Variants in CSGALNACT1 observed in about 807,000 individuals in gnomAD.
The protein encoded by CSGALNACT1 is beta4GalNAcT-1.
Under a neutral mutation model 51.0 loss-of-function variants are expected in CSGALNACT1, and 52 were observed. The ratio of observed to expected loss-of-function variants is 1.02; its 90% CI spans 0.82 to 1.29. CSGALNACT1 has a LOEUF of 1.29. CSGALNACT1 is among the 50% of genes most tolerant of loss of function. CSGALNACT1 has a pLI of 0.00. For missense variants in CSGALNACT1, 935 were observed against 679.2 expected, an observed-to-expected ratio of 1.38 and a Z score of -4.19; for synonymous variants, 341 against 254.4, an observed-to-expected ratio of 1.34 and a Z score of -3.24.
intron 1 of CSGALNACT1, among the ~76,000 whole-genome samples, chr8:19,632,737 C>A (rs1168986795): frequency 2.0e-5 from 3 of 152,096 alleles, no homozygotes; most frequent in Non-Finnish European, 1.5e-5. Context: ...TCAACCTAAG[C>A]AGAGTGAGTA....
chr8:19,554,816 G>A (rs2089285530), intron 3 of CSGALNACT1, among the ~76,000 whole-genome samples: 1 of 152,126 alleles, frequency 6.6e-6, no homozygotes, highest in South Asian at 2.1e-4. Context: ...TACTCAGGAG[G>A]CTGAGACAGG....
At chr8:19,466,573 G>A (rs1038285963) in intron 4 of CSGALNACT1, among the ~76,000 whole-genome samples, 6 of 152,076 alleles carry the variant, frequency 3.9e-5, no homozygotes, top group East Asian at 1.9e-4. Flanking sequence ...ATGGCATATC[G>A]CATTCCCAGA....
chr8:19,467,214 G>A (rs2066910547), intron 4 of CSGALNACT1, among the ~76,000 whole-genome samples: 1 of 141,098 alleles, frequency 7.1e-6, no homozygotes, highest in Non-Finnish European at 1.5e-5. Context: ...CTGACTCTCG[G>A]TTTCACAGTA....
chr8:19,696,054 T>C (rs1227845005), intron 1 of CSGALNACT1, among the ~76,000 whole-genome samples: 1 of 152,166 alleles, frequency 6.6e-6, no homozygotes, highest in Admixed American at 6.5e-5. Context: ...AGCAAAAACA[T>C]GTATGAAGAC....
exon 10 of CSGALNACT1, chr8:19,404,991 A>G (rs775528602): frequency 4.4e-6 from 2 of 453,922 alleles, no homozygotes; most frequent in Admixed American, 2.4e-5. Context: ...ATGTCCTTGG[A>G]TATGGCATCA....
chr8:19,617,829 AATAG>A (rs1412121169), intron 1 of CSGALNACT1, among the ~76,000 whole-genome samples: 1 of 152,260 alleles, frequency 6.6e-6, no homozygotes, highest in Non-Finnish European at 1.5e-5. Flanking sequence ...TTGAAGGAAG[AATAG>A]ATAGGCTTTT....
intron 8 of CSGALNACT1, among the ~76,000 whole-genome samples, chr8:19,410,176 A>G (rs913792466): frequency 6.6e-6 from 1 of 152,210 alleles, no homozygotes; most frequent in African/African-American, 2.4e-5. Context: ...GCTCAAGGAA[A>G]GTAGAACCAA....
chr8:19,651,831 C>T (rs1015728756), intron 1 of CSGALNACT1, among the ~76,000 whole-genome samples: 2 of 152,116 alleles, frequency 1.3e-5, no homozygotes, highest in African/African-American at 4.8e-5. Context: ...TCAGAAATCT[C>T]CAAACTGCTT....
At chr8:19,638,653 A>T (rs558969954) in intron 1 of CSGALNACT1, among the ~76,000 whole-genome samples, 87 of 152,336 alleles carry the variant, frequency 5.7e-4, no homozygotes, top group African/African-American at 1.9e-3. Flanking sequence ...AAATAGTTCT[A>T]TGAGATCTTT....
chr8:19,613,770 C>A (rs1348674361), intron 1 of CSGALNACT1, among the ~76,000 whole-genome samples: 2 of 152,184 alleles, frequency 1.3e-5, no homozygotes, highest in African/African-American at 4.8e-5. Context: ...TAGCAACTTG[C>A]AATGTCACCA....
chr8:19,414,538 A>G (rs2056498632), intron 8 of CSGALNACT1, among the ~76,000 whole-genome samples: 1 of 152,204 alleles, frequency 6.6e-6, no homozygotes, highest in South Asian at 2.1e-4. Context: ...TTCACTTAAT[A>G]TGAATTACTG....
In CSGALNACT1 at chr8:19,457,060, G is replaced by C. The variant is rs2064252856; in HGVS notation, c.851+1366C>G. Among the ~76,000 whole-genome samples, 7 of 152,322 alleles carry C rather than the reference G, an allele frequency of 4.6e-5. No individual in the cohort carries two copies. In the South Asian group the frequency reaches 1.4e-3, roughly 32 times the overall value. On this transcript the variant is annotated intron_variant, in intron 5 of 9. Coordinates refer to ENST00000454498, the Ensembl canonical transcript of CSGALNACT1. Reference sequence around the variant, plus strand: ...GATCAACAAAGCAGCAGCTTGACTAGTAATGTAGGCAGCTTCCTGGTGCAC... The same window carrying C: ...GATCAACAAAGCAGCAGCTTGACTACTAATGTAGGCAGCTTCCTGGTGCAC...
At chr8:19,468,999 G>A (rs759161577) in intron 4 of CSGALNACT1, among the ~76,000 whole-genome samples, 11 of 152,106 alleles carry the variant, frequency 7.2e-5, no homozygotes, top group Admixed American at 6.5e-4. Flanking sequence ...GCACTCAGAG[G>A]GGCAGAAGAC....
chr8:19,513,404 T>TTCTCTCTCTC lies in CSGALNACT1; in HGVS notation c.-296-7284_-296-7275dup, dbSNP rs146482632. 1.5e-3 allele frequency among the ~76,000 whole-genome samples: 139 copies of TTCTCTCTCTC among 94,942 alleles called. 10 individuals carry two copies. Among genetic ancestry groups the TTCTCTCTCTC allele is most frequent in the East Asian group, 0.011 (18 of 1,714 alleles). The allele number at this position is 94,942 out of a possible 152,430, so 62.3% of individuals were successfully genotyped here. On this transcript the variant is annotated intron_variant, in intron 3 of 9. Transcript: ENST00000454498. ...CCCAGTACATTCTGTTCATAGAATT[T>TTCTCTCTCTC]TCTCTCTCTCACTCTCTCTCTCTCT...
At chr8:19,634,233 T>C (rs1409235210) in intron 1 of CSGALNACT1, among the ~76,000 whole-genome samples, 1 of 152,202 alleles carries the variant, frequency 6.6e-6, no homozygotes, top group Non-Finnish European at 1.5e-5. Flanking sequence ...ACTGGATTAT[T>C]TCCTCCCAAA....
intron 1 of CSGALNACT1, among the ~76,000 whole-genome samples, chr8:19,662,626 A>G (rs1197506160): frequency 6.6e-6 from 1 of 152,182 alleles, no homozygotes; most frequent in African/African-American, 2.4e-5. Context: ...TGCTGATAGG[A>G]AACCTTTAAA....
At chr8:19,529,614 G>C (rs1415682586) in intron 3 of CSGALNACT1, among the ~76,000 whole-genome samples, 1 of 152,130 alleles carries the variant, frequency 6.6e-6, no homozygotes, top group Non-Finnish European at 1.5e-5. Context: ...GAATGAAAAA[G>C]TGGTAAGGGA....
chr8:19,512,724 C>A (rs1449200672), intron 3 of CSGALNACT1, among the ~76,000 whole-genome samples: 1 of 152,136 alleles, frequency 6.6e-6, no homozygotes, highest in Non-Finnish European at 1.5e-5. Context: ...GACTCAAACC[C>A]ATCTTTGACT....
intron 4 of CSGALNACT1, among the ~76,000 whole-genome samples, chr8:19,467,913 G>C (rs1031568849): frequency 6.6e-6 from 1 of 152,180 alleles, no homozygotes; most frequent in Admixed American, 6.5e-5. Flanking sequence ...TTAAACCCAG[G>C]AGTTGGAGGC....
Sources: allele counts gnomAD v4.1 joint callset (sites outside exome capture counted in the v4.1 genomes callset), GRCh38; gene constraint gnomAD v4.1.1; transcripts MANE v1.5; gene names NCBI Gene and HGNC (gene_info 2026-07-23, HGNC 2026-07-21).